OSBPL3: variants seen among roughly 807,000 people sequenced by gnomAD.
OSBPL3 encodes the protein oxysterol binding protein like 3.
OSBPL3 carries 65 observed loss-of-function variants against 120.1 expected under a neutral mutation model. That is an observed-to-expected ratio of 0.54 (90% CI 0.44 to 0.67). The LOEUF is 0.67. Ranked by LOEUF, OSBPL3 falls within the 30% of genes least tolerant of loss-of-function variation. The pLI, the probability that OSBPL3 is intolerant of heterozygous loss-of-function variation, is 0.00. For synonymous variants in OSBPL3, 416 were observed against 402.6 expected, an observed-to-expected ratio of 1.03 and a Z score of -0.40; for missense variants, 1,004 against 1,082.1, an observed-to-expected ratio of 0.93 and a Z score of 1.01.
rs1796383931 is a variant in OSBPL3 at position 24,831,691 on chromosome 7, A to C, written c.1747-786T>G. Among the ~76,000 whole-genome samples the C allele has an allele frequency of 6.6e-6, 1 of 152,208 alleles. No individual in the cohort carries two copies. The highest frequency in any genetic ancestry group is 1.5e-5 in the Non-Finnish European group (1 of 68,042). The stretch of plus-strand genomic sequence containing the variant: ...CAGTTAAGCCTAAGCAGGGATGTCC[A>C]ATTTTCCTTTCTAATGTCAGGTAGT... On this transcript the variant is annotated intron_variant, in intron 15 of 22. Coordinates refer to ENST00000313367, the MANE Select transcript of OSBPL3 (RefSeq NM_015550.4). The surrounding 1 kb of genome is among the most constrained non-coding windows in gnomAD (Gnocchi z 4.0).
In OSBPL3 at chr7:24,805,080, T is replaced by C. The variant is rs555593976; in HGVS notation, c.2445-643A>G. 3.9e-5 allele frequency among the ~76,000 whole-genome samples: 6 copies of C among 152,316 alleles called. No individual in the cohort carries two copies. Among genetic ancestry groups the C allele is most frequent in the African/African-American group, 1.4e-4 (6 of 41,574 alleles). ...ATATCCATCATTTTACATGAGTAAG[T>C]AGGAAAAATCTGTAGGAGAAATTTC... On this transcript the variant is annotated intron_variant, in intron 21 of 22. Transcript: ENST00000313367. The surrounding 1 kb of genome is among the most constrained non-coding windows in gnomAD (Gnocchi z 4.0).
rs1274852271 is a variant in OSBPL3, at chr7:24,959,313, C to G, written c.-150+20573G>C. 6.6e-6 allele frequency among the ~76,000 whole-genome samples: 1 copy of G among 150,730 alleles called. No individual in the cohort carries two copies. The highest frequency in any genetic ancestry group is 1.5e-5 in the Non-Finnish European group (1 of 67,644). ...CAGCACTAATCATAAAAACCCCAAACAGAAAAAAAAACAAATGTTTATCAA... is the reference window on the plus strand; with the variant it reads ...CAGCACTAATCATAAAAACCCCAAAGAGAAAAAAAAACAAATGTTTATCAA... On this transcript the variant is annotated intron_variant, in intron 1 of 22. Coordinates refer to ENST00000313367, the MANE Select transcript of OSBPL3 (RefSeq NM_015550.4). The surrounding 1 kb of genome is among the most constrained non-coding windows in gnomAD (Gnocchi z 4.3).
In OSBPL3 at chr7:24,840,732, C is replaced by T; in HGVS notation, c.1453G>A (p.Asp485Asn). The part of the protein sequence containing the change: ...VSDISDNLSL[D>N]NLSNDLDNER... ...TTATCTAAATCATTACTGAGATTAT[C>T]TAAGGAAAGATTATCACTTATGTCA... Residue 485 changes from aspartate (D) to asparagine (N), a missense_variant, in exon 14 of 23, where the codon GAT (aspartate) becomes AAT (asparagine). Transcript: ENST00000313367. 6.8e-7 allele frequency: 1 copy of T among 1,469,008 alleles called. No homozygotes were observed. The highest frequency in any genetic ancestry group is 2.4e-5 in the East Asian group (1 of 41,820). The allele number at this position is 1,469,008 out of a possible 1,614,324, so 91.0% of individuals were successfully genotyped here.
In OSBPL3 at chr7:24,802,185, C is replaced by T. The variant is rs1792444909; in HGVS notation, c.2568-1906G>A. ...AAAATGAGTCAATCTGTGTATCAGA[C>T]AGTTCACTATTTTAAAACAAAGAGG... On this transcript the variant is annotated intron_variant, in intron 22 of 22. Transcript: ENST00000313367. The surrounding 1 kb of genome is among the most constrained non-coding windows in gnomAD (Gnocchi z 4.1). Among the ~76,000 whole-genome samples the T allele has an allele frequency of 6.6e-6, 1 of 152,170 alleles. No homozygotes were observed. Among genetic ancestry groups the T allele is most frequent in the Non-Finnish European group, 1.5e-5 (1 of 68,032 alleles).
At chr7:24,878,712 GC>G (rs1468053255) in intron 2 of OSBPL3, among the ~76,000 whole-genome samples, 3 of 152,186 alleles carry the variant, frequency 2.0e-5, no homozygotes, top group African/African-American at 7.2e-5. Context: ...GATAGCAATG[GC>G]AATTTTTAAG....
At chr7:24,841,234 G>A (rs533372270) in intron 13 of OSBPL3, among the ~76,000 whole-genome samples, 2 of 151,936 alleles carry the variant, frequency 1.3e-5, no homozygotes, top group East Asian at 1.9e-4. Context: ...ATTCAGGAAA[G>A]GATAATTTTT....
intron 1 of OSBPL3, among the ~76,000 whole-genome samples, chr7:24,927,856 T>C (rs892359263): frequency 1.2e-4 from 18 of 152,214 alleles, no homozygotes; most frequent in African/African-American, 4.3e-4. Flanking sequence ...CTTCTTGAGG[T>C]ATAATTTATA....
At chr7:24,845,384 TA>T (rs34559902) in intron 12 of OSBPL3, among the ~76,000 whole-genome samples, 4,588 of 61,972 alleles carry the variant, frequency 0.074, 28 homozygotes, top group Non-Finnish European at 0.093. Flanking sequence ...GCAAAATAAG[TA>T]AAAAAAAAAA....
At chr7:24,951,062 C>G (rs116812127) in intron 1 of OSBPL3, among the ~76,000 whole-genome samples, 2 of 152,110 alleles carry the variant, frequency 1.3e-5, no homozygotes, top group Non-Finnish European at 2.9e-5. Context: ...TTCAAAACAA[C>G]GATCTCCCTC....
At position 24,930,203 on chromosome 7, in the gene OSBPL3, G is replaced by A. The variant is rs1811612936; in HGVS notation, c.-149-37582C>T. Among the ~76,000 whole-genome samples the A allele has an allele frequency of 6.6e-6, 1 of 152,122 alleles. No individual in the cohort carries two copies. The highest frequency in any genetic ancestry group is 2.1e-4 in the South Asian group (1 of 4,830). On this transcript the variant is annotated intron_variant, in intron 1 of 22. Coordinates refer to ENST00000313367, the MANE Select transcript of OSBPL3 (RefSeq NM_015550.4). This position sits in a 1 kb window ranked among gnomAD's most constrained non-coding sequence, Gnocchi z 4.4. Reference sequence around the variant, plus strand: ...TAATTAACTAATGATCAAAGGTGAGGCAGAAATGCATGGCAAAACTGAAGG... The same window carrying A: ...TAATTAACTAATGATCAAAGGTGAGACAGAAATGCATGGCAAAACTGAAGG...
In OSBPL3 at chr7:24,915,074, C is replaced by T. The variant is rs75935284; in HGVS notation, c.-149-22453G>A. On this transcript the variant is annotated intron_variant, in intron 1 of 22. Transcript: ENST00000313367. ...TACTATCTTCAGATGGCAACCAAAACCTACCATCAGTCAGCCAAGTGCCTT... is the reference window on the plus strand; with the variant it reads ...TACTATCTTCAGATGGCAACCAAAATCTACCATCAGTCAGCCAAGTGCCTT... Among the ~76,000 whole-genome samples the T allele has an allele frequency of 3.4e-3, 515 of 152,294 alleles. 2 individuals carry two copies. Among genetic ancestry groups the T allele is most frequent in the Middle Eastern group, 0.014 (4 of 294 alleles).
intron 1 of OSBPL3, among the ~76,000 whole-genome samples, chr7:24,961,583 G>A (rs753025755): frequency 1.3e-5 from 2 of 152,158 alleles, no homozygotes; most frequent in African/African-American, 2.4e-5. Flanking sequence ...AGAGGACACA[G>A]CTAGAAGGTG....
intron 1 of OSBPL3, among the ~76,000 whole-genome samples, chr7:24,954,925 G>A (rs1025607555): frequency 1.2e-4 from 18 of 152,150 alleles, no homozygotes; most frequent in Non-Finnish European, 2.4e-4. Flanking sequence ...CTAAAGGAAT[G>A]GATCTAAGGA....
At chr7:24,954,263 G>A (rs1013402243) in intron 1 of OSBPL3, among the ~76,000 whole-genome samples, 1 of 152,136 alleles carries the variant, frequency 6.6e-6, no homozygotes, top group Non-Finnish European at 1.5e-5. Flanking sequence ...ATTTTTAGAC[G>A]TGAAGTTATT....
In OSBPL3 at chr7:24,930,142, G is replaced by C. The variant is rs1251465519; in HGVS notation, c.-149-37521C>G. ...ATTTTTTAAGAGGTTAACCTGGAAA[G>C]GTTAATGACCAACTGAATTGATGGC... On this transcript the variant is annotated intron_variant, in intron 1 of 22. Coordinates refer to ENST00000313367, the MANE Select transcript of OSBPL3 (RefSeq NM_015550.4). The surrounding 1 kb of genome is among the most constrained non-coding windows in gnomAD (Gnocchi z 4.4). Among the ~76,000 whole-genome samples the C allele has an allele frequency of 1.3e-5, 2 of 152,108 alleles. No homozygotes were observed. Among genetic ancestry groups the C allele is most frequent in the African/African-American group, 4.8e-5 (2 of 41,436 alleles).
intron 4 of OSBPL3, 30 bp from the exon 5 acceptor site, chr7:24,870,875 G>A (rs2128282461): frequency 7.0e-7 from 1 of 1,419,920 alleles, no homozygotes; most frequent in East Asian, 2.3e-5. Context: ...GTCACTTGGG[G>A]ACCATGGTGT....
chr7:24,819,163 G>A lies in OSBPL3; in HGVS notation c.1948+1012C>T, dbSNP rs1794817841. ...AGCTACTCGGGAGGCTGAGACAGGA[G>A]AATCACTTGAACACGGGAGACGGAG... On this transcript the variant is annotated intron_variant, in intron 17 of 22. Coordinates refer to ENST00000313367, the MANE Select transcript of OSBPL3 (RefSeq NM_015550.4). This position sits in a 1 kb window ranked among gnomAD's most constrained non-coding sequence, Gnocchi z 4.1. 6.7e-6 allele frequency among the ~76,000 whole-genome samples: 1 copy of A among 149,002 alleles called. No individual in the cohort carries two copies. The highest frequency in any genetic ancestry group is 1.5e-5 in the Non-Finnish European group (1 of 67,772).
rs568002645 is a variant in OSBPL3 at position 24,898,860 on chromosome 7, C to T, written c.-149-6239G>A. Among the ~76,000 whole-genome samples the T allele has an allele frequency of 1.3e-5, 2 of 152,342 alleles. No homozygotes were observed. The highest frequency in any genetic ancestry group is 6.5e-5 in the Admixed American group (1 of 15,304). On this transcript the variant is annotated intron_variant, in intron 1 of 22. Transcript: ENST00000313367. This position sits in a 1 kb window ranked among gnomAD's most constrained non-coding sequence, Gnocchi z 4.3. Reference sequence around the variant, plus strand: ...TGGCTAGATCATCACTGCTTGACCACTTCCTGTGACAGAAACAAGGCACTT... The same window carrying T: ...TGGCTAGATCATCACTGCTTGACCATTTCCTGTGACAGAAACAAGGCACTT...
At chr7:24,844,293 G>A (rs927573492) in intron 12 of OSBPL3, among the ~76,000 whole-genome samples, 4 of 152,202 alleles carry the variant, frequency 2.6e-5, no homozygotes, top group African/African-American at 7.2e-5. Flanking sequence ...CAGCCCGGGC[G>A]CCACATATGG....
Sources: gnomAD v4.1 joint callset for allele counts (sites outside exome capture counted in the v4.1 genomes callset) on GRCh38, gnomAD v4.1.1 for gene constraint, Gnocchi (gnomAD v3.1) non-coding constraint, MANE v1.5 for transcripts, NCBI Gene and HGNC (gene_info 2026-07-23, HGNC 2026-07-21) for gene names.